DMKN: variants seen among roughly 807,000 people sequenced by gnomAD.
DMKN encodes epidermis-specific secreted protein SK30/SK89.
DMKN carries 58 observed loss-of-function variants against 67.6 expected under a neutral mutation model. That is an observed-to-expected ratio of 0.86 (90% CI 0.69 to 1.07). The LOEUF is 1.07. DMKN is among the 50% of genes least tolerant of loss of function. The pLI is 0.00. For synonymous variants in DMKN, 240 were observed against 232.3 expected (o/e 1.03, Z -0.30); for missense variants, 596 against 601.5 (o/e 0.99, Z 0.10).
At chr19:35,502,695 ACT>A (rs764394809) in intron 10 of DMKN, 133 bp downstream of exon 10, 59 of 867,420 alleles carry the variant, frequency 6.8e-5, no homozygotes, top group Non-Finnish European at 1.1e-4. Context: ...ATAGAGCGAG[ACT>A]CTGTCTCAAA....
At chr19:35,511,968 C>G (rs2070909545) in intron 3 of DMKN, among the ~76,000 whole-genome samples, 155 bp from the exon 4 acceptor site, 2 of 151,952 alleles carry the variant, frequency 1.3e-5, no homozygotes, top group South Asian at 4.2e-4. Flanking sequence ...TGCCTCCTCC[C>G]CAGGCCCAGG....
At position 35,502,857 on chromosome 19, in the gene DMKN, G is replaced by A. The variant is rs1039415093; in HGVS notation, c.1164C>T (p.Ala388=). 1.2e-6 allele frequency: 2 copies of A among 1,613,950 alleles called. No individual in the cohort carries two copies. The highest frequency in any genetic ancestry group is 1.7e-6 in the Non-Finnish European group (2 of 1,180,002). ...KNQVPPPSTR[A]LLYFSRLWED... is the part of the protein sequence containing the mutation. ...CCCAGAGTCGGCTGAAGTAGAGGAG[G>A]GCTCGGGTGCTGGGGGGCGGGACCT... Residue 388 remains alanine, a synonymous_variant, in exon 10 of 16, where the codon GCC becomes GCT. Transcript: ENST00000339686.
intron 11 of DMKN, among the ~76,000 whole-genome samples, chr19:35,501,079 G>C (rs995224843): frequency 6.6e-6 from 1 of 152,172 alleles, no homozygotes; most frequent in Admixed American, 6.5e-5. Context: ...CAAGAAAACA[G>C]ATAAAGCAAC....
chr19:35,501,848 G>A (rs201120148), intron 11 of DMKN: 3 of 1,581,670 alleles, frequency 1.9e-6, no homozygotes, highest in Admixed American at 1.8e-5. Context: ...CTGGGTCCAG[G>A]CCAGGCCCAG....
rs749463512 is a variant in DMKN at position 35,502,851 on chromosome 19, G to C, written c.1170C>G (p.Leu390=). 1.9e-6 allele frequency: 3 copies of C among 1,614,112 alleles called. No individual in the cohort carries two copies. The highest frequency in any genetic ancestry group is 1.3e-5 in the African/African-American group (1 of 75,030). The change falls in exon 10 of 16, where the codon CTC becomes CTG. Residue 390 remains leucine (L), a synonymous_variant. Transcript: ENST00000339686. ...CTACCTCCCAGAGTCGGCTGAAGTA[G>C]AGGAGGGCTCGGGTGCTGGGGGGCG... is the stretch of plus-strand genomic sequence containing the variant. ...QVPPPSTRAL[L]YFSRLWEDFK...
At chr19:35,507,413 A>G (rs1285658909) in intron 7 of DMKN, 1 of 1,520,152 alleles carries the variant, frequency 6.6e-7, no homozygotes, top group Non-Finnish European at 8.9e-7. Context: ...AGCATGCTTC[A>G]CCATCCCTTC....
Position 35,512,712 on chromosome 19 carries a change from C to T in DMKN, c.505G>A (p.Gly169Arg). The T allele has an allele frequency of 2.5e-6, 4 of 1,614,186 alleles. No individual in the cohort carries two copies. The highest frequency in any genetic ancestry group is 3.4e-6 in the Non-Finnish European group (4 of 1,180,026). Residue 169 changes from glycine (G) to arginine (R), a missense_variant, in exon 2 of 16, where the codon GGG (glycine) becomes AGG (arginine). Transcript: ENST00000339686. ...GGGTATCCGTGGACCCACGGAGTCC[C>T]CAGACCTCCAGGATTGCCCTGGCCC... Reference protein sequence around the residue: ...GQGQGNPGGLGTPWVHGYPGN... With the variant: ...GQGQGNPGGLRTPWVHGYPGN...
At chr19:35,507,219 G>C in intron 7 of DMKN, 1 of 450,056 alleles carries the variant, frequency 2.2e-6, no homozygotes, top group Non-Finnish European at 4.0e-6. Context: ...ACTTTTATCT[G>C]TTTTCTCCCC....
intron 7 of DMKN, chr19:35,506,379 C>T: frequency 1.6e-6 from 1 of 631,134 alleles, no homozygotes; most frequent in South Asian, 1.8e-5. Context: ...ATGGATTGCT[C>T]CCATGGAACC....
rs1555800338 is a variant in DMKN at position 35,511,519 on chromosome 19, AC to A, written c.809del (p.Gly270ValfsTer107). 1 of 1,226,802 alleles carries A rather than the reference AC, an allele frequency of 8.2e-7. No homozygotes were observed. The highest frequency in any genetic ancestry group is 1.1e-6 in the Non-Finnish European group (1 of 946,136). The allele number at this position is 1,226,802 out of a possible 1,614,324, so 76.0% of individuals were successfully genotyped here. A position where few individuals can be genotyped will look rare whatever the true frequency, so the allele number is the denominator to read the frequency against. ...NGDNNNGSSS[G>X]GSSSGSSSGG... ...CACTGCTGCTGCCACTGCTGCTGCC[AC>A]CACTGCTGCTGCCATTGTTGTTGTC... On this transcript the variant is annotated frameshift_variant, in exon 5 of 16. Transcript: ENST00000339686. LOFTEE classifies it high-confidence loss of function.
chr19:35,498,563 C>T lies in DMKN; in HGVS notation c.*153G>A, dbSNP rs2067832128. ...ACACCCCACCATGAGGTCCCCTCTTCCTTATCACCTTTAGAGCACGCACCC... is the reference window on the plus strand; with the variant it reads ...ACACCCCACCATGAGGTCCCCTCTTTCTTATCACCTTTAGAGCACGCACCC... On this transcript the variant is annotated intron_variant, in intron 15 of 15. Coordinates refer to ENST00000339686, the MANE Select transcript of DMKN (RefSeq NM_033317.5). 4 of 1,056,118 alleles carry T rather than the reference C, an allele frequency of 3.8e-6. No individual in the cohort carries two copies. In the South Asian group the frequency reaches 6.5e-5, roughly 17 times the overall value. The allele number at this position is 1,056,118 out of a possible 1,614,324, so 65.4% of individuals were successfully genotyped here.
intron 7 of DMKN, 33 bp from the exon 8 acceptor site, chr19:35,506,019 G>A (rs375631845): frequency 6.2e-7 from 1 of 1,613,996 alleles, no homozygotes; most frequent in Non-Finnish European, 8.5e-7. Context: ...GATGAGAGAA[G>A]AACCCACTTT....
At chr19:35,512,269 A>T in intron 3 of DMKN, 152 bp downstream of exon 3, 4 of 1,046,914 alleles carry the variant, frequency 3.8e-6, no homozygotes, top group Non-Finnish European at 4.1e-6. Flanking sequence ...AAGTGCTGGG[A>T]TTACAGGTGT....
intron 5 of DMKN, 49 bp downstream of exon 5, chr19:35,511,362 C>A: frequency 6.2e-7 from 1 of 1,602,698 alleles, no homozygotes; most frequent in Non-Finnish European, 8.5e-7. Flanking sequence ...CGGCAGGGAC[C>A]ACTAGGGCCT....
Position 35,499,968 on chromosome 19 carries a change from G to T in DMKN, c.1349C>A (p.Thr450Asn). 6.8e-6 allele frequency: 11 copies of T among 1,614,192 alleles called. No individual in the cohort carries two copies. The highest frequency in any genetic ancestry group is 9.3e-6 in the Non-Finnish European group (11 of 1,180,036). Residue 450 changes from threonine (T) to asparagine (N), a missense_variant, in exon 13 of 16, where the codon ACC becomes AAC. Thr to Asn is a moderately conservative substitution (Grantham distance 65). Transcript: ENST00000339686. ...GGTTGCCGGTCTCACCTTTGCAGGG[G>T]TCTTGACTGAGTACTTCCCACCATA... is the stretch of plus-strand genomic sequence containing the variant. ...TAYGGKYSVKTPAKGGVSPSS... is the reference protein window; with the variant it reads ...TAYGGKYSVKNPAKGGVSPSS...
At chr19:35,511,007 G>A (rs769327650) in intron 5 of DMKN, among the ~76,000 whole-genome samples, 1 of 152,108 alleles carries the variant, frequency 6.6e-6, no homozygotes, top group African/African-American at 2.4e-5. Flanking sequence ...TAGGTCTCCC[G>A]GATCACAGTC....
At position 35,513,163 on chromosome 19, in the gene DMKN, C is replaced by A; in HGVS notation, c.313G>T (p.Ala105Ser). 6.2e-7 allele frequency: 1 copy of A among 1,614,210 alleles called. No individual in the cohort carries two copies. Among genetic ancestry groups the A allele is most frequent in the East Asian group, 2.2e-5 (1 of 44,876 alleles). The change falls in exon 1 of 16, where the codon GCT (alanine) becomes TCT (serine). Residue 105 changes from alanine to serine, a missense_variant. Ala to Ser is a moderately conservative substitution (Grantham distance 99). Transcript: ENST00000339686. The stretch of plus-strand genomic sequence containing the variant: ...ATCTCGTGCCCAGTGTTTCCCAGAG[C>A]ATGGGCTGCTTCCCCGACCCTGTTG... ...LGNRVGEAAH[A>S]LGNTGHEIGR...
chr19:35,513,370 C>T lies in DMKN; in HGVS notation c.106G>A (p.Gly36Arg). 1 of 1,613,012 alleles carries T rather than the reference C, an allele frequency of 6.2e-7. No individual in the cohort carries two copies. Among genetic ancestry groups the T allele is most frequent in the Non-Finnish European group, 8.5e-7 (1 of 1,180,040 alleles). ...SGEESTGTNI[G>R]EALGHGLGDA... ...CCCAGGCCATGTCCAAGGGCCTCCC[C>T]AATATTTGTCCCAGTGCTTTCCTCT... Residue 36 changes from glycine to arginine, a missense_variant, in exon 1 of 16, where the codon GGG (glycine) becomes AGG (arginine). By Grantham distance (125) the Gly-to-Arg change is moderately radical (BLOSUM62 -2). Coordinates refer to ENST00000339686, the MANE Select transcript of DMKN (RefSeq NM_033317.5).
intron 12 of DMKN, chr19:35,500,265 C>T: frequency 7.0e-7 from 1 of 1,429,394 alleles, no homozygotes; most frequent in Non-Finnish European, 9.5e-7. Context: ...TACTCCTCCT[C>T]CTGCCCTCAA....
Sources: allele counts gnomAD v4.1 joint callset (sites outside exome capture counted in the v4.1 genomes callset), GRCh38; gene constraint gnomAD v4.1.1; transcripts MANE v1.5; gene names NCBI Gene and HGNC (gene_info 2026-07-23, HGNC 2026-07-21).